DCTN4: variants seen among roughly 807,000 people sequenced by gnomAD.
DCTN4 encodes dynactin subunit 4.
DCTN4 carries 23 observed loss-of-function variants against 62.7 expected under a neutral mutation model. The observed-to-expected ratio is 0.37, with a 90% CI of 0.26 to 0.52. DCTN4 has a LOEUF of 0.52. Ranked by LOEUF, DCTN4 falls within the 20% of genes least tolerant of loss-of-function variation. The probability of loss-of-function intolerance (pLI) is 0.92; values close to 1 mark genes in which losing one functional copy is unlikely to be tolerated. For synonymous variants in DCTN4, 199 were observed against 202.1 expected, an observed-to-expected ratio of 0.98 and a Z score of 0.13; for missense variants, 514 against 580.4, an observed-to-expected ratio of 0.89 and a Z score of 1.18.
intron 12 of DCTN4, 105 bp from the exon 13 acceptor site, chr5:150,711,467 C>T (rs1307183059): frequency 3.4e-6 from 3 of 873,164 alleles, no homozygotes; most frequent in Non-Finnish European, 3.5e-6. Context: ...TCAGCACACA[C>T]AGAAAACCTA....
intron 8 of DCTN4, among the ~76,000 whole-genome samples, chr5:150,727,775 C>CAAAAAAA (rs11292193): frequency 2.4e-3 from 194 of 82,222 alleles, no homozygotes; most frequent in Non-Finnish European, 3.2e-3. Flanking sequence ...GACTCCGTCT[C>CAAAAAAA]AAAAAAAAAA....
At position 150,729,507 on chromosome 5, in the gene DCTN4, A is replaced by G. The variant is rs1022613849; in HGVS notation, c.834+1124T>C. ...ATTTTGCAACAAATATCAGAGACCA[A>G]GTCATTTCCTCCATAAATATTTCTG... On this transcript the variant is annotated intron_variant, in intron 8 of 12. Transcript: ENST00000447998. Among the ~76,000 whole-genome samples the G allele has an allele frequency of 1.2e-4, 19 of 152,274 alleles. No individual in the cohort carries two copies. The East Asian group carries it at 3.1e-3, about 25-fold the overall frequency.
At chr5:150,719,813 C>T (rs766948512) in intron 9 of DCTN4, 43 bp from the exon 10 acceptor site, 26 of 1,271,360 alleles carry the variant, frequency 2.0e-5, no homozygotes, top group Non-Finnish European at 2.7e-5. Flanking sequence ...ATTGGAGTCT[C>T]TTAAAATTAT....
At chr5:150,750,119 GACAGA>G (rs1390227864) in intron 3 of DCTN4, among the ~76,000 whole-genome samples, 4 of 152,084 alleles carry the variant, frequency 2.6e-5, no homozygotes, top group Non-Finnish European at 5.9e-5. Context: ...TCTCTAGGGG[GACAGA>G]AATGTTGTGT....
chr5:150,711,831 A>G (rs187336688), intron 12 of DCTN4, among the ~76,000 whole-genome samples: 288 of 152,056 alleles, frequency 1.9e-3, no homozygotes, highest in Non-Finnish European at 1.3e-3. Context: ...ATATTTTTCT[A>G]TGAGCTTATA....
rs61106544 is a variant in DCTN4, at chr5:150,729,042, CTT to C, written c.834+1587_834+1588del. On this transcript the variant is annotated intron_variant, in intron 8 of 12. Transcript: ENST00000447998. ...ACAAGTGTGTGAACCACCACACTGG[CTT>C]TTTTTTTTTTTTTTTTTTTTTTTTT... 9.2e-3 allele frequency among the ~76,000 whole-genome samples: 480 copies of C among 52,138 alleles called. 57 individuals are homozygous for C. The highest frequency in any genetic ancestry group is 0.035 in the African/African-American group (456 of 13,122). The allele number at this position is 52,138 out of a possible 152,430, so 34.2% of individuals were successfully genotyped here.
chr5:150,753,027 A>T (rs1312215166), intron 3 of DCTN4, among the ~76,000 whole-genome samples: 1 of 151,832 alleles, frequency 6.6e-6, no homozygotes, highest in Non-Finnish European at 1.5e-5. Flanking sequence ...CACCACGCCC[A>T]GCTAATTTTT....
In DCTN4 at chr5:150,748,834, GC is replaced by G. The variant is rs769212724; in HGVS notation, c.385+4644del. 9.4e-5 allele frequency among the ~76,000 whole-genome samples: 14 copies of G among 148,200 alleles called. No homozygotes were observed. In the East Asian group the frequency reaches 2.0e-3, roughly 21 times the overall value. On this transcript the variant is annotated intron_variant, in intron 3 of 12. Transcript: ENST00000447998. ...GATAGCATTAGGAGATATACCTAAT[GC>G]TAAATGACGAGTTAATGGGTGCAGC... is the stretch of plus-strand genomic sequence containing the variant.
In DCTN4 at chr5:150,758,919, C is replaced by T; in HGVS notation, c.75G>A (p.Ser25=). ...QGEKKVRAPL[S]QLYFCRYCSE... ...TACAATAGCGGCAGAAGTAGAGTTG[C>T]GAGAGCGGGGCCCGAACCTTCTTTT... is the stretch of plus-strand genomic sequence containing the variant. The change falls in exon 1 of 13, where the codon TCG becomes TCA. Residue 25 remains serine, a synonymous_variant. Coordinates refer to ENST00000447998, the MANE Select transcript of DCTN4 (RefSeq NM_016221.4). 1.2e-6 allele frequency: 2 copies of T among 1,614,082 alleles called. No individual in the cohort carries two copies.
chr5:150,711,111 G>C lies in DCTN4; in HGVS notation c.*38C>G. 6.3e-7 allele frequency: 1 copy of C among 1,584,500 alleles called. No individual in the cohort carries two copies. Among genetic ancestry groups the C allele is most frequent in the Non-Finnish European group, 8.7e-7 (1 of 1,155,208 alleles). On this transcript the variant is annotated 3_prime_UTR_variant, in exon 13 of 13. Transcript: ENST00000447998. ...CCACATTTTAACGCAGGTTTACGGT[G>C]ATACTGTCCTTTGGGATCTGCCCTC...
chr5:150,748,380 G>A (rs571745427), intron 3 of DCTN4, among the ~76,000 whole-genome samples: 4 of 152,036 alleles, frequency 2.6e-5, no homozygotes, highest in Non-Finnish European at 5.9e-5. Context: ...TCAGTGTGGC[G>A]ATTCCTCAGG....
In DCTN4 at chr5:150,733,393, C is replaced by T. The variant is rs755442968; in HGVS notation, c.512G>A (p.Arg171Lys). ...ERDRKKLARR[R>K]NYMPLAFSDK... The stretch of plus-strand genomic sequence containing the variant: ...CGAAAAAGCCAGAGGCATATAGTTT[C>T]TACGTCGTGCCAGTTTCTTGCGATC... Residue 171 changes from arginine to lysine, a missense_variant, in exon 5 of 13, where the codon AGA (arginine) becomes AAA (lysine). Arg to Lys is a conservative substitution (Grantham distance 26, BLOSUM62 2). Coordinates refer to ENST00000447998, the MANE Select transcript of DCTN4 (RefSeq NM_016221.4). 2.5e-6 allele frequency: 4 copies of T among 1,613,944 alleles called. No individual in the cohort carries two copies. In the South Asian group the frequency reaches 3.3e-5, roughly 13 times the overall value.
chr5:150,758,962 A>C lies in DCTN4; in HGVS notation c.32T>G (p.Leu11Arg). 2 of 1,614,140 alleles carry C rather than the reference A, an allele frequency of 1.2e-6. No individual in the cohort carries two copies. Among genetic ancestry groups the C allele is most frequent in the Non-Finnish European group, 1.7e-6 (2 of 1,179,998 alleles). MASLLQSDRV[L>R]YLVQGEKKVR... is the part of the protein sequence containing the mutation. ...CTTCTTTTCTCCCTGGACTAGATAGAGAACCCGGTCCGACTGCAGCAAGGA... is the reference window on the plus strand; with the variant it reads ...CTTCTTTTCTCCCTGGACTAGATAGCGAACCCGGTCCGACTGCAGCAAGGA... The change falls in exon 1 of 13, where the codon CTC becomes CGC. Residue 11 changes from leucine (L) to arginine (R), a missense_variant. Coordinates refer to ENST00000447998, the MANE Select transcript of DCTN4 (RefSeq NM_016221.4).
chr5:150,725,157 CAA>C (rs966438340), intron 8 of DCTN4, among the ~76,000 whole-genome samples: 358 of 53,372 alleles, frequency 6.7e-3, no homozygotes, highest in African/African-American at 0.018. Flanking sequence ...GACTCCGTCT[CAA>C]AAAAAAAAAA....
At position 150,730,723 on chromosome 5, in the gene DCTN4, G is replaced by T. The variant is rs1267503727; in HGVS notation, c.742C>A (p.Arg248Ser). Residue 248 changes from arginine (R) to serine (S), a missense_variant, in exon 8 of 13, where the codon CGT becomes AGT. Transcript: ENST00000447998. ...NLTEVTTLQQ[R>S]LLQPDFQPVC... is the part of the protein sequence containing the mutation. ...GGCTGGAAGTCAGGCTGTAACAGAC[G>T]CTGCTGAAGGGTTGTTACTAGAAAG... is the stretch of plus-strand genomic sequence containing the variant. The T allele has an allele frequency of 6.2e-7, 1 of 1,613,922 alleles. No individual in the cohort carries two copies. The highest frequency in any genetic ancestry group is 1.1e-5 in the South Asian group (1 of 91,038).
chr5:150,719,263 A>G (rs1010478323), intron 10 of DCTN4, among the ~76,000 whole-genome samples: 5 of 152,196 alleles, frequency 3.3e-5, no homozygotes, highest in Admixed American at 3.3e-4. Context: ...AGAAGAGTTA[A>G]AGAGTTTGCT....
intron 2 of DCTN4, among the ~76,000 whole-genome samples, chr5:150,756,039 C>CTTTTT (rs777641858): frequency 1.6e-5 from 2 of 124,994 alleles, no homozygotes; most frequent in Non-Finnish European, 1.7e-5. Flanking sequence ...TTTCATGTGT[C>CTTTTT]TTTTTTTTTT....
chr5:150,738,459 A>G (rs1297649026), intron 4 of DCTN4, among the ~76,000 whole-genome samples: 2 of 152,240 alleles, frequency 1.3e-5, no homozygotes, highest in East Asian at 1.9e-4. Flanking sequence ...GGATGGTTTG[A>G]AATACCCAAG....
chr5:150,727,077 T>C (rs1760172483), intron 8 of DCTN4, among the ~76,000 whole-genome samples: 1 of 152,102 alleles, frequency 6.6e-6, no homozygotes, highest in Non-Finnish European at 1.5e-5. Context: ...AGAACAAGGA[T>C]AATGGCGGGG....
Sources: allele counts gnomAD v4.1 joint callset (sites outside exome capture counted in the v4.1 genomes callset), GRCh38; gene constraint gnomAD v4.1.1; transcripts MANE v1.5; gene names NCBI Gene and HGNC (gene_info 2026-07-23, HGNC 2026-07-21).